The following MTOR variants were observed in gnomAD, a reference collection of about 807,000 sequenced individuals.
MTOR encodes mechanistic target of rapamycin kinase, also known as serine/threonine-protein kinase mTOR.
MTOR carries 70 observed loss-of-function variants against 319.8 expected under a neutral mutation model. The observed-to-expected ratio is 0.22, with a 90% CI of 0.18 to 0.27. MTOR has a LOEUF of 0.27. Ranked by LOEUF, MTOR falls within the 10% of genes least tolerant of loss-of-function variation. MTOR has a pLI of 1.00. For missense variants in MTOR, 1,890 were observed against 3,274.4 expected (o/e 0.58, Z 10.32); for synonymous variants, 1,183 against 1,211.4 (o/e 0.98, Z 0.49).
intron 29 of MTOR, among the ~76,000 whole-genome samples, chr1:11,165,916 A>T (rs1313135981): frequency 6.6e-6 from 1 of 152,242 alleles, no homozygotes; most frequent in Non-Finnish European, 1.5e-5. Flanking sequence ...ATGGAACAGA[A>T]CAGAGCCCTC....
At chr1:11,120,820 T>C (rs865932058) in intron 49 of MTOR, among the ~76,000 whole-genome samples, 1 of 152,148 alleles carries the variant, frequency 6.6e-6, no homozygotes, top group Non-Finnish European at 1.5e-5. Flanking sequence ...CTTATTGTTA[T>C]ATATATTTTT....
At chr1:11,124,197 T>C (rs1037721466) in intron 47 of MTOR, among the ~76,000 whole-genome samples, 6 of 152,004 alleles carry the variant, frequency 3.9e-5, no homozygotes, top group Admixed American at 1.3e-4. Flanking sequence ...TACAAAATAT[T>C]AGGATTATAG....
intron 26 of MTOR, among the ~76,000 whole-genome samples, chr1:11,203,852 T>C (rs1646055506): frequency 2.0e-5 from 3 of 152,210 alleles, no homozygotes; most frequent in Non-Finnish European, 4.4e-5. Context: ...AAGGCAGAAG[T>C]GACTCTTCAT....
At chr1:11,124,431 A>G (rs2100380147) in intron 47 of MTOR, 67 bp downstream of exon 47, 1 of 1,569,868 alleles carries the variant, frequency 6.4e-7, no homozygotes, top group Non-Finnish European at 8.7e-7. Flanking sequence ...ACATGACTAC[A>G]CGAGACAAAT....
chr1:11,114,117 A>C (rs1333402197), intron 53 of MTOR, among the ~76,000 whole-genome samples: 1 of 152,218 alleles, frequency 6.6e-6, no homozygotes, highest in Admixed American at 6.5e-5. Context: ...ACCCAGTCTC[A>C]GGCAGTTCTT....
chr1:11,234,608 A>G lies in MTOR; in HGVS notation c.2209-343T>C, dbSNP rs558407341. Among the ~76,000 whole-genome samples the G allele has an allele frequency of 3.2e-4, 49 of 152,348 alleles. No homozygotes were observed. In the South Asian group the frequency reaches 8.1e-3, roughly 25 times the overall value. The stretch of plus-strand genomic sequence containing the variant: ...CAGGGAGAGCTGTGAGTAGGGTTCT[A>G]TAAAAATGAGGAAAGAAGGTAGGGC... On this transcript the variant is annotated intron_variant, in intron 13 of 57. Transcript: ENST00000361445.
chr1:11,183,041 T>G (rs1645209301), intron 28 of MTOR, among the ~76,000 whole-genome samples: 2 of 152,360 alleles, frequency 1.3e-5, no homozygotes, highest in South Asian at 4.1e-4. Context: ...ACTGACAGAT[T>G]GTTTTCCAAA....
At chr1:11,157,902 T>G (rs1260665912) in intron 29 of MTOR, among the ~76,000 whole-genome samples, 1 of 152,226 alleles carries the variant, frequency 6.6e-6, no homozygotes, top group Non-Finnish European at 1.5e-5. Flanking sequence ...TTTTGGAAAG[T>G]CTTTCCCCTA....
In MTOR at chr1:11,240,413, T is replaced by G; in HGVS notation, c.1676A>C (p.Lys559Thr). 6.2e-7 allele frequency: 1 copy of G among 1,614,242 alleles called. No homozygotes were observed. The highest frequency in any genetic ancestry group is 8.5e-7 in the Non-Finnish European group (1 of 1,180,042). The change falls in exon 11 of 58, where the codon AAG becomes ACG. Residue 559 changes from lysine to threonine, a missense_variant. Lys to Thr is a moderately conservative substitution (Grantham distance 78). Around this residue, in one of 15 missense-constraint regions of MTOR, gnomAD observed 418 missense variants for 543.1 expected, o/e 0.77. Coordinates refer to ENST00000361445, the MANE Select transcript of MTOR (RefSeq NM_004958.4). ...AGAGGCCAGCTGATGGGCCAGGCCC[T>G]TGGGCATGCCTGGGTGGCGAAGGGG... ...HKPLRHPGMP[K>T]GLAHQLASPG...
rs1642910462 is a variant in MTOR, at chr1:11,127,672, A to T, written c.6168T>A (p.Ala2056=). 6.2e-7 allele frequency: 1 copy of T among 1,614,028 alleles called. No individual in the cohort carries two copies. The change falls in exon 44 of 58, where the codon GCT becomes GCA. Residue 2056 remains alanine, a synonymous_variant. Transcript: ENST00000361445. The surrounding 1 kb of genome is among the most constrained non-coding windows in gnomAD (Gnocchi z 5.5). ...GAGTCTGGGGGCCCCGTTCCATCAT[A>T]GCATGCAAGGGCTCCAGCACCTCAA... ...GMFEVLEPLH[A]MMERGPQTLK...
At chr1:11,243,368 G>A in intron 8 of MTOR, 68 bp from the exon 9 acceptor site, 1 of 1,437,452 alleles carries the variant, frequency 7.0e-7, no homozygotes, top group Non-Finnish European at 9.5e-7. Flanking sequence ...AACAGTCAAA[G>A]GTCCTATAAA....
intron 19 of MTOR, among the ~76,000 whole-genome samples, chr1:11,226,931 G>A (rs868211175): frequency 1.2e-4 from 5 of 43,404 alleles, no homozygotes; most frequent in East Asian, 1.0e-3. Flanking sequence ...CCCCGCCCCC[G>A]CCCCCGCCCA....
At chr1:11,191,253 G>A (rs1294434345) in intron 28 of MTOR, among the ~76,000 whole-genome samples, 1 of 152,178 alleles carries the variant, frequency 6.6e-6, no homozygotes, top group African/African-American at 2.4e-5. Context: ...ATGACCAAGT[G>A]CTCAGTTACC....
intron 28 of MTOR, among the ~76,000 whole-genome samples, chr1:11,170,629 T>C (rs1019903260): frequency 2.0e-5 from 3 of 151,724 alleles, no homozygotes; most frequent in East Asian, 1.9e-4. Context: ...CCTGTATTAT[T>C]ACAATGGATT....
intron 8 of MTOR, among the ~76,000 whole-genome samples, chr1:11,247,170 G>A (rs546010788): frequency 3.9e-4 from 59 of 152,306 alleles, no homozygotes; most frequent in African/African-American, 1.3e-3. Flanking sequence ...GGAAGGCTTC[G>A]TTGAGAAGTT....
intron 8 of MTOR, 73 bp downstream of exon 8, chr1:11,247,552 T>A: frequency 7.5e-7 from 1 of 1,339,602 alleles, no homozygotes; most frequent in South Asian, 1.2e-5. Flanking sequence ...GAAAAGATAT[T>A]TGGCTTTTCT....
Position 11,256,001 on chromosome 1 carries a change from C to T in MTOR, c.696G>A (p.Gln232=). 1.2e-6 allele frequency: 2 copies of T among 1,614,018 alleles called. No individual in the cohort carries two copies. Among genetic ancestry groups the T allele is most frequent in the Non-Finnish European group, 1.7e-6 (2 of 1,180,014 alleles). ...GGAGCCATCTCCTTACCCTGTACCA[C>T]TGAGGCTTCTGCATCTCCTTCGGCT... The part of the protein sequence containing the change: ...QREPKEMQKP[Q]WYRHTFEEAE... The change falls in exon 5 of 58, where the codon CAG becomes CAA. Residue 232 remains glutamine, a synonymous_variant. Coordinates refer to ENST00000361445, the MANE Select transcript of MTOR (RefSeq NM_004958.4).
chr1:11,239,065 C>T (rs1489804094), intron 11 of MTOR, among the ~76,000 whole-genome samples: 6 of 152,014 alleles, frequency 3.9e-5, no homozygotes, highest in Admixed American at 1.3e-4. Context: ...TAAGCCACCG[C>T]GCCAGGCCTG....
chr1:11,230,506 C>T (rs1646980649), intron 18 of MTOR, among the ~76,000 whole-genome samples: 2 of 152,310 alleles, frequency 1.3e-5, no homozygotes, highest in Admixed American at 1.3e-4. Context: ...TTCCCTATGG[C>T]CCTGAGCCTC....
Sources: allele counts gnomAD v4.1 joint callset (sites outside exome capture counted in the v4.1 genomes callset), GRCh38; gene constraint gnomAD v4.1.1; regional missense constraint gnomAD v4.1.1; non-coding constraint Gnocchi (gnomAD v3.1); transcripts MANE v1.5; gene names NCBI Gene and HGNC (gene_info 2026-07-23, HGNC 2026-07-21).